Variants in OPA1 observed in about 807,000 individuals in gnomAD.
The protein encoded by OPA1 is OPA1 mitochondrial dynamin like GTPase.
Under a neutral mutation model 152.9 loss-of-function variants are expected in OPA1, and 59 were observed. That is an observed-to-expected ratio of 0.39 (90% CI 0.31 to 0.48). OPA1 has a LOEUF of 0.48. Ranked by LOEUF, OPA1 falls within the 20% of genes least tolerant of loss-of-function variation. The pLI, the probability that OPA1 is intolerant of heterozygous loss-of-function variation, is 0.96. For missense variants in OPA1, 1,008 were observed against 1,216.8 expected (o/e 0.83, Z 2.55); for synonymous variants, 400 against 389.9 (o/e 1.03, Z -0.31).
At chr3:193,687,634 A>G (rs963235189) in intron 29 of OPA1, among the ~76,000 whole-genome samples, 2 of 152,220 alleles carry the variant, frequency 1.3e-5, no homozygotes, top group Non-Finnish European at 2.9e-5. Flanking sequence ...TGAAGCATTA[A>G]TCTGAAGGAT....
At chr3:193,617,739 G>T (rs752128656) in intron 4 of OPA1, 45 bp from the exon 5 acceptor site, 1 of 1,438,740 alleles carries the variant, frequency 7.0e-7, no homozygotes, top group Admixed American at 1.7e-5. Flanking sequence ...GCTCATTTCT[G>T]TTAAATTTTA....
chr3:193,674,194 A>G (rs1012661254), intron 29 of OPA1, among the ~76,000 whole-genome samples: 1 of 152,096 alleles, frequency 6.6e-6, no homozygotes, highest in Non-Finnish European at 1.5e-5. Flanking sequence ...GTGTTTCTTC[A>G]CTTTCCCAGT....
In OPA1 at chr3:193,614,631, C is replaced by CTGTG. The variant is rs58340380; in HGVS notation, c.33-90_33-87dup. On this transcript the variant is annotated intron_variant, in intron 1 of 30. Transcript: ENST00000361510. Reference sequence around the variant, plus strand: ...ACATTGTGGTTAGTCACGTATGGGGCTGTGTTTCCTTTAGTATATTGCTCT... The same window carrying CTGTG: ...ACATTGTGGTTAGTCACGTATGGGGCTGTGTGTGTTTCCTTTAGTATATTGCTCT... The CTGTG allele has an allele frequency of 0.42, 375,287 of 895,146 alleles. 80,882 individuals are homozygous for CTGTG. The highest frequency in any genetic ancestry group is 0.42 in the Non-Finnish European group (223,301 of 527,156). The allele number at this position is 895,146 out of a possible 1,614,324, so 55.5% of individuals were successfully genotyped here.
chr3:193,665,389 G>T (rs1357517604), intron 27 of OPA1, among the ~76,000 whole-genome samples: 1 of 151,924 alleles, frequency 6.6e-6, no homozygotes, highest in Non-Finnish European at 1.5e-5. Flanking sequence ...AAGAGAAAGT[G>T]TGTGTGTATC....
rs1255269888 is a variant in OPA1, at chr3:193,596,392, G to GTTCTT, written c.32+3010_32+3014dup. 1.2e-3 allele frequency among the ~76,000 whole-genome samples: 133 copies of GTTCTT among 106,894 alleles called. 4 individuals carry two copies. The highest frequency in any genetic ancestry group is 9.8e-3 in the Middle Eastern group (2 of 204). The allele number at this position is 106,894 out of a possible 152,430, so 70.1% of individuals were successfully genotyped here. ...TTTCTTTTCTTTTCTTTTCTTTTCT[G>GTTCTT]TTCTTTTCTTTTCTTTTCTTTTCTT... On this transcript the variant is annotated intron_variant, in intron 1 of 30. Transcript: ENST00000361510.
In OPA1 at chr3:193,637,131, C is replaced by T. The variant is rs1246460089; in HGVS notation, c.949-64C>T. ...AATTTATCACTTTTTTCTCTTGACA[C>T]ATCTGTTATATTTTTTTCTTTACTT... On this transcript the variant is annotated intron_variant, in intron 9 of 30. Coordinates refer to ENST00000361510, the MANE Select transcript of OPA1 (RefSeq NM_130837.3). The T allele has an allele frequency of 4.5e-5, 37 of 822,986 alleles. No individual in the cohort carries two copies. In the Admixed American group the frequency reaches 8.2e-4, roughly 18 times the overall value. 51.0% of individuals were successfully genotyped at this position (822,986 alleles called of 1,614,324 possible).
rs766125830 is a variant in OPA1, at chr3:193,662,975, G to C, written c.2661+13G>C. ...AGATCCAAGCTTGGTAATAAATACT[G>C]CTGAGAAGCAGGAATCTGCTTCCTT... is the stretch of plus-strand genomic sequence containing the variant. On this transcript the variant is annotated intron_variant, in intron 26 of 30. Coordinates refer to ENST00000361510, the MANE Select transcript of OPA1 (RefSeq NM_130837.3). The C allele has an allele frequency of 2.5e-6, 4 of 1,612,832 alleles. No individual in the cohort carries two copies. The highest frequency in any genetic ancestry group is 3.4e-6 in the Non-Finnish European group (4 of 1,178,960).
At chr3:193,624,384 T>C (rs1730685563) in intron 6 of OPA1, 3 of 152,178 alleles carry the variant, frequency 2.0e-5, no homozygotes, top group Admixed American at 6.5e-5. Flanking sequence ...GCAGGTACAC[T>C]ACTGTATAAA....
chr3:193,658,981 C>A lies in OPA1; in HGVS notation c.2426C>A (p.Ala809Asp). 6.2e-7 allele frequency: 1 copy of A among 1,611,982 alleles called. No individual in the cohort carries two copies. ...TATTTTATGGAAGAGGCTCTGCAGG[C>A]TCGTCTCAAGGATAGTAAGTGGAGA... Reference protein sequence around the residue: ...AIYFMEEALQARLKDTENAIE... With the variant: ...AIYFMEEALQDRLKDTENAIE... Residue 809 changes from alanine to aspartate, a missense_variant, in exon 24 of 31, where the codon GCT becomes GAT. This residue lies in a region of OPA1 where 229 missense variants were observed against 269.0 expected (regional missense o/e 0.85). Coordinates refer to ENST00000361510, the MANE Select transcript of OPA1 (RefSeq NM_130837.3).
intron 29 of OPA1, among the ~76,000 whole-genome samples, chr3:193,682,888 A>G (rs892200395): frequency 2.6e-4 from 39 of 152,186 alleles, no homozygotes; most frequent in African/African-American, 9.2e-4. Context: ...CAGCCCATGG[A>G]TCAAGGAATA....
At chr3:193,686,673 T>C (rs1404403865) in intron 29 of OPA1, among the ~76,000 whole-genome samples, 6 of 152,198 alleles carry the variant, frequency 3.9e-5, no homozygotes, top group African/African-American at 1.4e-4. Flanking sequence ...GGCAAGTATA[T>C]AGTGTAGTTT....
intron 28 of OPA1, among the ~76,000 whole-genome samples, 181 bp downstream of exon 28, chr3:193,666,570 T>C (rs1019920575): frequency 3.9e-5 from 6 of 152,184 alleles, no homozygotes; most frequent in Non-Finnish European, 8.8e-5. Context: ...GGAAAACCGC[T>C]TGAGGCCTGT....
At chr3:193,679,540 C>T (rs1719790239) in intron 29 of OPA1, among the ~76,000 whole-genome samples, 1 of 152,060 alleles carries the variant, frequency 6.6e-6, no homozygotes, top group Non-Finnish European at 1.5e-5. Flanking sequence ...TGGTTAAGCC[C>T]ATTATGTAAA....
At position 193,657,242 on chromosome 3, in the gene OPA1, T is replaced by C. The variant is rs371096629; in HGVS notation, c.2331+10T>C. 6.6e-5 allele frequency: 106 copies of C among 1,613,560 alleles called. No homozygotes were observed. The highest frequency in any genetic ancestry group is 4.7e-5 in the Non-Finnish European group (56 of 1,179,576). ...TGCGGAGGACAGCTTGGTATGTTGT[T>C]TGTATACTGGGGTATCAGCCTCATA... On this transcript the variant is annotated intron_variant, in intron 23 of 30. Transcript: ENST00000361510.
intron 11 of OPA1, among the ~76,000 whole-genome samples, chr3:193,640,301 A>G (rs1733580767): frequency 1.3e-5 from 2 of 152,198 alleles, no homozygotes; most frequent in Non-Finnish European, 2.9e-5. Flanking sequence ...TAACAAAGGA[A>G]TGTGTGAAGG....
chr3:193,618,722 A>G, intron 5 of OPA1, 147 bp from the exon 6 acceptor site: 1 of 692,854 alleles, frequency 1.4e-6, no homozygotes, highest in Non-Finnish European at 2.6e-6. Context: ...CATGTTCCTT[A>G]AAATAAGAAT....
chr3:193,609,382 G>T (rs920116395), intron 1 of OPA1, among the ~76,000 whole-genome samples: 2 of 152,166 alleles, frequency 1.3e-5, no homozygotes, highest in South Asian at 2.1e-4. Context: ...CTCTTCTGGC[G>T]TGTAGAGTTT....
At chr3:193,604,672 C>G (rs1431934121) in intron 1 of OPA1, among the ~76,000 whole-genome samples, 1 of 151,632 alleles carries the variant, frequency 6.6e-6, no homozygotes, top group East Asian at 1.9e-4. Flanking sequence ...GACAGCCTGA[C>G]CAACATGGAG....
Position 193,650,381 on chromosome 3 carries a change from G to A in OPA1, c.2012+1510G>A, listed in dbSNP as rs115268780. On this transcript the variant is annotated intron_variant, in intron 21 of 30. Coordinates refer to ENST00000361510, the MANE Select transcript of OPA1 (RefSeq NM_130837.3). The stretch of plus-strand genomic sequence containing the variant: ...TATGTTAACGCAAATATAAATCAGA[G>A]TAGCAGGTCCAAGCCTTAGCTGTTC... 5.6e-3 allele frequency among the ~76,000 whole-genome samples: 851 copies of A among 152,286 alleles called. 9 individuals carry two copies. Among genetic ancestry groups the A allele is most frequent in the African/African-American group, 0.019 (795 of 41,552 alleles).
Sources: gnomAD v4.1 joint callset for allele counts (sites outside exome capture counted in the v4.1 genomes callset) on GRCh38, gnomAD v4.1.1 for gene constraint, gnomAD v4.1.1 regional missense constraint, MANE v1.5 for transcripts, NCBI Gene and HGNC (gene_info 2026-07-23, HGNC 2026-07-21) for gene names.